DNAH14: variants seen among roughly 807,000 people sequenced by gnomAD.
The protein encoded by DNAH14 is dynein axonemal heavy chain 14, also known as axonemal beta dynein heavy chain 14.
DNAH14 carries 478 observed loss-of-function variants against 520.9 expected under a neutral mutation model. That is an observed-to-expected ratio of 0.92 (90% CI 0.85 to 0.99). The LOEUF (loss-of-function observed/expected upper bound fraction) is 0.99, where lower values mean the gene tolerates loss of function less well. DNAH14 is among the 50% of genes least tolerant of loss of function. The pLI is 0.00. For synonymous variants in DNAH14, 1,581 were observed against 1,757.2 expected, an observed-to-expected ratio of 0.90 and a Z score of 2.51; for missense variants, 4,831 against 5,234.5, an observed-to-expected ratio of 0.92 and a Z score of 2.38.
chr1:225,331,361 T>C, intron 64 of DNAH14, 76 bp from the exon 65 acceptor site: 5 of 1,409,186 alleles, frequency 3.5e-6, no homozygotes, highest in Non-Finnish European at 4.8e-6. Context: ...ACTATATTTA[T>C]ATAAATGACA....
At chr1:225,310,755 T>C (rs1316492282) in intron 60 of DNAH14, among the ~76,000 whole-genome samples, 1 of 152,214 alleles carries the variant, frequency 6.6e-6, no homozygotes, top group Non-Finnish European at 1.5e-5. Context: ...GGCATATCCA[T>C]GTCCCTGCAA....
At chr1:225,011,622 G>T (rs547157103) in intron 10 of DNAH14, among the ~76,000 whole-genome samples, 2 of 152,152 alleles carry the variant, frequency 1.3e-5, no homozygotes, top group South Asian at 4.2e-4. Context: ...CCTGTGTTGG[G>T]TGCATATATA....
chr1:225,141,093 A>G (rs542897810), intron 28 of DNAH14, 72 bp downstream of exon 28: 538 of 1,365,352 alleles, frequency 3.9e-4, no homozygotes, highest in South Asian at 1.4e-3. Flanking sequence ...TTGATTCTCT[A>G]CCTCACACTT....
chr1:225,095,396 G>C (rs1048212779), intron 21 of DNAH14, among the ~76,000 whole-genome samples: 3 of 152,018 alleles, frequency 2.0e-5, no homozygotes, highest in Admixed American at 6.6e-5. Context: ...ACTAAGACAG[G>C]AACAGTAAAC....
intron 12 of DNAH14, among the ~76,000 whole-genome samples, 194 bp from the exon 13 acceptor site, chr1:225,042,641 T>A (rs2067586695): frequency 1.3e-5 from 2 of 152,232 alleles, no homozygotes; most frequent in Non-Finnish European, 2.9e-5. Context: ...GGGGAACTCC[T>A]TCATTACAAT....
intron 76 of DNAH14, among the ~76,000 whole-genome samples, chr1:225,367,549 AAG>A (rs1354552050): frequency 6.6e-6 from 1 of 152,232 alleles, no homozygotes; most frequent in Non-Finnish European, 1.5e-5. Context: ...CTGAGCAAAT[AAG>A]AGTGCTTTTA....
chr1:225,170,953 G>C (rs558258082), intron 36 of DNAH14, among the ~76,000 whole-genome samples: 2 of 152,256 alleles, frequency 1.3e-5, no homozygotes, highest in Non-Finnish European at 2.9e-5. Context: ...CTAGAACTCA[G>C]GATTAAGAAA....
intron 72 of DNAH14, among the ~76,000 whole-genome samples, chr1:225,352,121 A>C (rs1169679250): frequency 1.3e-5 from 2 of 152,122 alleles, no homozygotes; most frequent in Non-Finnish European, 2.9e-5. Flanking sequence ...GATTAAATAC[A>C]CCACACTAGT....
chr1:225,152,639 C>T, intron 32 of DNAH14, 58 bp from the exon 33 acceptor site: 4 of 1,431,428 alleles, frequency 2.8e-6, no homozygotes, highest in Non-Finnish European at 3.7e-6. Flanking sequence ...TATGTGATTC[C>T]TTATTTGAAA....
At chr1:225,214,975 C>G (rs1412736106) in intron 41 of DNAH14, among the ~76,000 whole-genome samples, 1 of 152,030 alleles carries the variant, frequency 6.6e-6, no homozygotes, top group Non-Finnish European at 1.5e-5. Context: ...GCTCTTGCTT[C>G]TCTAGTTCTT....
intron 11 of DNAH14, among the ~76,000 whole-genome samples, chr1:225,035,303 C>G (rs1374131499): frequency 6.1e-5 from 1 of 16,514 alleles, no homozygotes; most frequent in Non-Finnish European, 7.9e-4. Context: ...TGTTTGCTCT[C>G]TCTGTTTTTT....
intron 7 of DNAH14, among the ~76,000 whole-genome samples, chr1:224,972,412 T>C (rs1010560851): frequency 1.3e-5 from 2 of 151,726 alleles, no homozygotes; most frequent in Non-Finnish European, 2.9e-5. Flanking sequence ...CAGGCCATTC[T>C]CCTGCCTCAG....
intron 17 of DNAH14, among the ~76,000 whole-genome samples, chr1:225,064,308 TCATA>T (rs1340136911): frequency 1.3e-5 from 2 of 152,048 alleles, no homozygotes. Flanking sequence ...ACTAGAATTT[TCATA>T]CATTGCAGAT....
At chr1:225,318,196 T>C (rs1275383221) in intron 60 of DNAH14, among the ~76,000 whole-genome samples, 1 of 152,216 alleles carries the variant, frequency 6.6e-6, no homozygotes, top group African/African-American at 2.4e-5. Flanking sequence ...GCAGGGCTGC[T>C]TGCACAGCCT....
At chr1:225,172,888 A>G (rs1481523164) in intron 36 of DNAH14, among the ~76,000 whole-genome samples, 3 of 152,228 alleles carry the variant, frequency 2.0e-5, no homozygotes, top group East Asian at 1.9e-4. Context: ...CCAAAGCAGC[A>G]TGGTACTGGT....
rs560058390 is a variant in DNAH14 at position 225,263,243 on chromosome 1, C to CAT, written c.7158-946_7158-945dup. Among the ~76,000 whole-genome samples the CAT allele has an allele frequency of 3.6e-3, 544 of 150,222 alleles. 4 individuals carry two copies. The highest frequency in any genetic ancestry group is 0.013 in the African/African-American group (527 of 40,774). On this transcript the variant is annotated intron_variant, in intron 46 of 85. Coordinates refer to ENST00000682510, the MANE Select transcript of DNAH14 (RefSeq NM_001367479.1). ...ACATGTATATATACATATATATACA[C>CAT]ATATATATACATGTATATATATAAT...
At chr1:225,079,687 T>TTC (rs2072874207) in intron 18 of DNAH14, 139 bp downstream of exon 18, 1 of 639,368 alleles carries the variant, frequency 1.6e-6, no homozygotes, top group Admixed American at 3.8e-5. Context: ...TTTTTTTTTT[T>TTC]TTTTGAGATG....
At chr1:225,204,019 G>A (rs2087209736) in intron 38 of DNAH14, among the ~76,000 whole-genome samples, 164 bp from the exon 39 acceptor site, 1 of 152,154 alleles carries the variant, frequency 6.6e-6, no homozygotes, top group African/African-American at 2.4e-5. Flanking sequence ...ATAGTCACAA[G>A]TCAGTTACAT....
intron 11 of DNAH14, among the ~76,000 whole-genome samples, chr1:225,024,820 T>C (rs1008637254): frequency 6.6e-6 from 1 of 152,108 alleles, no homozygotes; most frequent in African/African-American, 2.4e-5. Flanking sequence ...ATTCTTAACA[T>C]AGTTTTTGAA....
Sources: allele counts gnomAD v4.1 joint callset (sites outside exome capture counted in the v4.1 genomes callset), GRCh38; gene constraint gnomAD v4.1.1; transcripts MANE v1.5; gene names NCBI Gene and HGNC (gene_info 2026-07-23, HGNC 2026-07-21).